The following LSAMP variants were observed in gnomAD, a reference collection of about 807,000 sequenced individuals.
LSAMP encodes limbic system-associated membrane protein.
Under a neutral mutation model 38.6 loss-of-function variants are expected in LSAMP, and 7 were observed. The observed-to-expected ratio is 0.18, with a 90% CI of 0.10 to 0.34. The LOEUF is 0.34. Among genes scored for constraint, LSAMP ranks in the 10% least tolerant of loss-of-function variants. The pLI is 1.00. For synonymous variants in LSAMP, 154 were observed against 166.8 expected, an observed-to-expected ratio of 0.92 and a Z score of 0.59; for missense variants, 313 against 420.0, an observed-to-expected ratio of 0.75 and a Z score of 2.23.
intron 1 of LSAMP, among the ~76,000 whole-genome samples, chr3:116,179,370 T>A (rs999516321): frequency 1.6e-4 from 25 of 152,134 alleles, no homozygotes. Context: ...CATCTATGCT[T>A]GATGGTTGCA....
chr3:116,346,771 C>T (rs1344323583), intron 1 of LSAMP, among the ~76,000 whole-genome samples: 1 of 152,166 alleles, frequency 6.6e-6, no homozygotes, highest in Non-Finnish European at 1.5e-5. Flanking sequence ...TTTATTCATT[C>T]AACAAACATT....
chr3:115,854,273 ATTATTATTATT>A (rs563812326), intron 3 of LSAMP, among the ~76,000 whole-genome samples: 232 of 119,484 alleles, frequency 1.9e-3, no homozygotes, highest in African/African-American at 6.7e-3. Flanking sequence ...TATTATTATT[ATTATTATTATT>A]TTTTTTTTTT....
chr3:115,991,376 A>G (rs552135586), intron 3 of LSAMP, among the ~76,000 whole-genome samples: 2 of 152,244 alleles, frequency 1.3e-5, no homozygotes, highest in East Asian at 3.9e-4. Flanking sequence ...CATGTCATAT[A>G]GAACTCAACT....
intron 1 of LSAMP, among the ~76,000 whole-genome samples, chr3:116,255,364 T>G (rs765601536): frequency 6.6e-6 from 1 of 152,182 alleles, no homozygotes; most frequent in Non-Finnish European, 1.5e-5. Flanking sequence ...GCTTTAAATA[T>G]GAATTTATTG....
chr3:115,939,584 C>CTTTCTTTCTTTCTTTCTTT (rs1576237854), intron 3 of LSAMP, among the ~76,000 whole-genome samples: 1 of 131,806 alleles, frequency 7.6e-6, no homozygotes, highest in African/African-American at 2.7e-5. Flanking sequence ...TTCTTTCTTT[C>CTTTCTTTCTTTCTTTCTTT]TGTTAAGAGA....
intron 2 of LSAMP, 69 bp downstream of exon 2, chr3:116,086,255 A>G (rs920431848): frequency 8.4e-7 from 1 of 1,189,008 alleles, no homozygotes; most frequent in African/African-American, 1.5e-5. Context: ...TTCTGCAAAT[A>G]TTTTGTACAT....
intron 1 of LSAMP, among the ~76,000 whole-genome samples, chr3:116,408,914 G>C (rs748656275): frequency 1.4e-4 from 21 of 152,156 alleles, no homozygotes; most frequent in Admixed American, 2.6e-4. Context: ...GTGGTCCAGT[G>C]CCTACCCATG....
At chr3:116,274,236 A>G (rs1324140391) in intron 1 of LSAMP, among the ~76,000 whole-genome samples, 4 of 152,204 alleles carry the variant, frequency 2.6e-5, no homozygotes, top group African/African-American at 9.6e-5. Context: ...ATGATTACAA[A>G]TAATTGTTAT....
intron 3 of LSAMP, among the ~76,000 whole-genome samples, chr3:115,872,444 C>A (rs551818400): frequency 6.6e-6 from 1 of 152,068 alleles, no homozygotes; most frequent in Admixed American, 6.6e-5. Context: ...AGAGGAAAGG[C>A]AGAAGGGGAT....
chr3:115,906,786 G>C (rs1937017551), intron 3 of LSAMP, among the ~76,000 whole-genome samples: 1 of 152,122 alleles, frequency 6.6e-6, no homozygotes, highest in Admixed American at 6.6e-5. Context: ...ACTTTGCTAA[G>C]AGAGCTCAGG....
intron 1 of LSAMP, among the ~76,000 whole-genome samples, chr3:116,196,980 C>A (rs1333512059): frequency 2.0e-5 from 3 of 152,180 alleles, no homozygotes; most frequent in African/African-American, 7.2e-5. Flanking sequence ...TGAGCCCAAA[C>A]TGTCTGCACC....
At chr3:116,166,121 T>A (rs1435691453) in intron 1 of LSAMP, among the ~76,000 whole-genome samples, 1 of 152,222 alleles carries the variant, frequency 6.6e-6, no homozygotes, top group African/African-American at 2.4e-5. Flanking sequence ...ATTGCTCAAT[T>A]ACATGCTGAA....
At chr3:116,148,231 G>A (rs1576393382) in intron 1 of LSAMP, among the ~76,000 whole-genome samples, 1 of 151,126 alleles carries the variant, frequency 6.6e-6, no homozygotes, top group Non-Finnish European at 1.5e-5. Context: ...GATTTTATTT[G>A]ATTCATTAAT....
chr3:116,052,575 G>A (rs553855073), intron 2 of LSAMP, among the ~76,000 whole-genome samples: 83 of 152,224 alleles, frequency 5.5e-4, no homozygotes, highest in Middle Eastern at 3.4e-3. Flanking sequence ...CACCGTCCCC[G>A]TGAGGCTAAG....
chr3:116,194,387 T>C (rs1710828519), intron 1 of LSAMP, among the ~76,000 whole-genome samples: 1 of 151,458 alleles, frequency 6.6e-6, no homozygotes, highest in South Asian at 2.1e-4. Context: ...TTTTGTTTGT[T>C]TGTTTGTTTG....
chr3:116,115,521 TCTC>T (rs1416394007), intron 1 of LSAMP, among the ~76,000 whole-genome samples: 1 of 152,198 alleles, frequency 6.6e-6, no homozygotes, highest in Non-Finnish European at 1.5e-5. Context: ...CTGTGTTCAG[TCTC>T]CTTTCTTCTC....
intron 1 of LSAMP, among the ~76,000 whole-genome samples, chr3:116,222,033 C>A (rs1387314254): frequency 6.6e-6 from 1 of 152,152 alleles, no homozygotes; most frequent in Non-Finnish European, 1.5e-5. Flanking sequence ...GGACTCACCT[C>A]CATTCTCCAT....
chr3:115,864,698 C>T (rs369960585), intron 3 of LSAMP, among the ~76,000 whole-genome samples: 2 of 152,282 alleles, frequency 1.3e-5, no homozygotes, highest in South Asian at 4.1e-4. Flanking sequence ...AGTGTCCTCG[C>T]ACCACCTCCT....
intron 3 of LSAMP, among the ~76,000 whole-genome samples, chr3:115,967,928 C>T (rs928968148): frequency 1.3e-5 from 2 of 152,092 alleles, no homozygotes; most frequent in African/African-American, 4.8e-5. Context: ...CAAACCACAT[C>T]ACCTCCCTTT....
Sources: allele counts gnomAD v4.1 joint callset (sites outside exome capture counted in the v4.1 genomes callset), GRCh38; gene constraint gnomAD v4.1.1; transcripts MANE v1.5; gene names NCBI Gene and HGNC (gene_info 2026-07-23, HGNC 2026-07-21).